UNC80: variants seen among roughly 807,000 people sequenced by gnomAD.
UNC80 encodes the protein unc-80 subunit of NALCN channel complex, also known as protein unc-80 homolog.
UNC80 carries 164 observed loss-of-function variants against 384.6 expected under a neutral mutation model. The ratio of observed to expected loss-of-function variants is 0.43; its 90% CI spans 0.38 to 0.49. UNC80 has a LOEUF of 0.49. Among genes scored for constraint, UNC80 ranks in the 20% least tolerant of loss-of-function variants. The probability of loss-of-function intolerance (pLI) is 0.00; values close to 1 mark genes in which losing one functional copy is unlikely to be tolerated. For synonymous variants in UNC80, 1,486 were observed against 1,527.8 expected (o/e 0.97, Z 0.64); for missense variants, 3,330 against 4,143.0 (o/e 0.80, Z 5.39).
At chr2:209,849,080 A>C (rs2082348578) in intron 21 of UNC80, among the ~76,000 whole-genome samples, 1 of 152,150 alleles carries the variant, frequency 6.6e-6, no homozygotes, top group African/African-American at 2.4e-5. Flanking sequence ...GTTGTAACAG[A>C]TCTGAAATTG....
intron 7 of UNC80, among the ~76,000 whole-genome samples, chr2:209,802,339 T>C (rs1238564763): frequency 6.6e-6 from 1 of 152,040 alleles, no homozygotes; most frequent in African/African-American, 2.4e-5. Flanking sequence ...TGTGAGATGA[T>C]GATGAATCTG....
intron 28 of UNC80, 51 bp from the exon 29 acceptor site, chr2:209,904,714 T>A: frequency 2.7e-6 from 4 of 1,499,042 alleles, no homozygotes; most frequent in Non-Finnish European, 3.6e-6. Flanking sequence ...TATGTTCAGT[T>A]TATCTGTACC....
chr2:209,864,455 G>A (rs150436058), intron 22 of UNC80, among the ~76,000 whole-genome samples: 1,960 of 152,270 alleles, frequency 0.013, 46 homozygotes, highest in African/African-American at 0.043. Flanking sequence ...GGATTCCTCA[G>A]AGGAAAGGCT....
At chr2:209,980,920 A>G (rs184732861) in intron 59 of UNC80, among the ~76,000 whole-genome samples, 1 of 152,272 alleles carries the variant, frequency 6.6e-6, no homozygotes, top group African/African-American at 2.4e-5. Context: ...ATCCTACCAC[A>G]TTTTTTATAT....
At chr2:209,918,038 C>T in intron 32 of UNC80, 80 bp downstream of exon 32, 1 of 1,319,756 alleles carries the variant, frequency 7.6e-7, no homozygotes, top group South Asian at 1.4e-5. Context: ...CTCAAAGTCA[C>T]AGTATGTGGC....
At position 209,995,756 on chromosome 2, in the gene UNC80, G is replaced by A. The variant is rs1406197697; in HGVS notation, c.*161G>A. On this transcript the variant is annotated 3_prime_UTR_variant, in exon 65 of 65. Transcript: ENST00000673920. ...AGGTTTTGCTGCCAATACACATGAT[G>A]TTTCATAAACATCTTAAAAGTCAAT... 1.1e-5 allele frequency: 9 copies of A among 793,406 alleles called. No homozygotes were observed. Among genetic ancestry groups the A allele is most frequent in the South Asian group, 1.9e-5 (1 of 53,052 alleles). 49.1% of individuals were successfully genotyped at this position (793,406 alleles called of 1,614,324 possible). A position where few individuals can be genotyped will look rare whatever the true frequency, so the allele number is the denominator to read the frequency against.
rs375767442 is a variant in UNC80 at position 209,941,306 on chromosome 2, C to G, written c.6732C>G (p.Ser2244Arg). The change falls in exon 44 of 65, where the codon AGC becomes AGG. Residue 2244 changes from serine to arginine, a missense_variant. Physicochemically the swap from Ser to Arg is moderately radical, Grantham distance 110 (BLOSUM62 -1). Coordinates refer to ENST00000673920, the MANE Select transcript of UNC80 (RefSeq NM_001371986.1). Reference protein sequence around the residue: ...LLEEMFLGMPSEFPWGDEIML... With the variant: ...LLEEMFLGMPREFPWGDEIML... ...AGGAAATGTTCCTGGGCATGCCGAG[C>G]GAGTTTCCATGGGGAGACGAAATCA... 13 of 1,548,738 alleles carry G rather than the reference C, an allele frequency of 8.4e-6. No individual in the cohort carries two copies. The highest frequency in any genetic ancestry group is 1.1e-5 in the Non-Finnish European group (13 of 1,144,538).
intron 7 of UNC80, among the ~76,000 whole-genome samples, chr2:209,801,683 C>A (rs1391748270): frequency 8.5e-6 from 1 of 117,208 alleles, no homozygotes; most frequent in Non-Finnish European, 1.7e-5. Context: ...GCCCGGCCAA[C>A]CCCTGCTTTT....
chr2:209,854,020 C>G (rs1371279247), intron 22 of UNC80, among the ~76,000 whole-genome samples: 1 of 152,022 alleles, frequency 6.6e-6, no homozygotes, highest in Non-Finnish European at 1.5e-5. Context: ...GGAAAAGAGA[C>G]ATAAACCAGG....
intron 18 of UNC80, among the ~76,000 whole-genome samples, chr2:209,838,678 TTGGC>T (rs1488099753): frequency 6.6e-6 from 1 of 151,920 alleles, no homozygotes; most frequent in African/African-American, 2.4e-5. Flanking sequence ...AAGTTAAATA[TTGGC>T]TGGGCACGGT....
chr2:209,944,324 CAG>C (rs959403882), intron 45 of UNC80, among the ~76,000 whole-genome samples: 1 of 152,104 alleles, frequency 6.6e-6, no homozygotes, highest in Non-Finnish European at 1.5e-5. Context: ...TCTTTTTCTT[CAG>C]AGATTTTACC....
intron 41 of UNC80, 85 bp from the exon 42 acceptor site, chr2:209,937,444 C>A: frequency 2.9e-6 from 3 of 1,033,992 alleles, no homozygotes; most frequent in South Asian, 1.4e-5. Context: ...CATCCTAGTG[C>A]TTAGATCTTT....
At chr2:209,949,258 A>G (rs2092046499) in intron 47 of UNC80, among the ~76,000 whole-genome samples, 1 of 152,188 alleles carries the variant, frequency 6.6e-6, no homozygotes, top group Non-Finnish European at 1.5e-5. Context: ...AGATAAACCA[A>G]TTCTGGATAC....
intron 52 of UNC80, 120 bp downstream of exon 52, chr2:209,967,757 A>G (rs2092778612): frequency 3.2e-6 from 3 of 936,936 alleles, no homozygotes; most frequent in Non-Finnish European, 4.9e-6. Flanking sequence ...TCTTTGGTAT[A>G]TGTGCATAGT....
chr2:209,980,604 A>T (rs1202154253), intron 59 of UNC80, among the ~76,000 whole-genome samples: 2 of 152,220 alleles, frequency 1.3e-5, no homozygotes, highest in African/African-American at 4.8e-5. Flanking sequence ...TGTTGTTTTG[A>T]ATTAAACTTT....
chr2:209,977,309 A>G (rs986617405), intron 58 of UNC80, among the ~76,000 whole-genome samples: 1 of 152,206 alleles, frequency 6.6e-6, no homozygotes, highest in African/African-American at 2.4e-5. Context: ...ATAAGAATTT[A>G]GTTTTCCTTT....
Position 209,973,145 on chromosome 2 carries a change from G to C in UNC80, c.8462G>C (p.Ser2821Thr). The C allele has an allele frequency of 6.4e-7, 1 of 1,551,656 alleles. No homozygotes were observed. The highest frequency in any genetic ancestry group is 8.7e-7 in the Non-Finnish European group (1 of 1,146,996). The change falls in exon 56 of 65, where the codon AGC becomes ACC. Residue 2821 changes from serine to threonine, a missense_variant. Around this residue, in one of 8 missense-constraint regions of UNC80, gnomAD observed 1,049 missense variants for 1,488.6 expected, o/e 0.70. Transcript: ENST00000673920. ...INVLLPPRII[S>T]TSRSKNFMLE... ...GTACTCCTCCCACCGCGGATCATCAGCACATCCAGGAGCAAGAACTTCATG... is the reference window on the plus strand; with the variant it reads ...GTACTCCTCCCACCGCGGATCATCACCACATCCAGGAGCAAGAACTTCATG...
At chr2:209,842,206 A>T in intron 20 of UNC80, 144 bp from the exon 21 acceptor site, 1 of 611,084 alleles carries the variant, frequency 1.6e-6, no homozygotes, top group Non-Finnish European at 2.8e-6. Flanking sequence ...TGATGACCAA[A>T]CTAACCAGAT....
At chr2:209,798,862 T>TC (rs1161312251) in intron 7 of UNC80, among the ~76,000 whole-genome samples, 7 of 146,982 alleles carry the variant, frequency 4.8e-5, no homozygotes. Context: ...TTTTTTTTTT[T>TC]CTTAGTAGAG....
Sources: allele counts gnomAD v4.1 joint callset (sites outside exome capture counted in the v4.1 genomes callset), GRCh38; gene constraint gnomAD v4.1.1; regional missense constraint gnomAD v4.1.1; transcripts MANE v1.5; gene names NCBI Gene and HGNC (gene_info 2026-07-23, HGNC 2026-07-21).